MYO10: variants seen among roughly 807,000 people sequenced by gnomAD.
MYO10 encodes unconventional myosin-X.
MYO10 carries 133 observed loss-of-function variants against 257.3 expected under a neutral mutation model. That is an observed-to-expected ratio of 0.52 (90% confidence interval 0.45 to 0.60). The LOEUF (loss-of-function observed/expected upper bound fraction) is 0.60, where lower values mean the gene tolerates loss of function less well. MYO10 is among the 20% of genes least tolerant of loss of function. The pLI is 0.00. For missense variants in MYO10, 2,399 were observed against 2,635.7 expected, an observed-to-expected ratio of 0.91 and a Z score of 1.97; for synonymous variants, 1,104 against 1,028.6, an observed-to-expected ratio of 1.07 and a Z score of -1.40.
At position 16,701,958 on chromosome 5, in the gene MYO10, C is replaced by G. The variant is rs570226192; in HGVS notation, c.2557-120G>C. ...GAGTTGGACTGTGTCCCCATAAAGT[C>G]TATAGGTTGAAGTCCTAACCCCAAT... is the stretch of plus-strand genomic sequence containing the variant. On this transcript the variant is annotated intron_variant, in intron 24 of 40. Coordinates refer to ENST00000513610, the MANE Select transcript of MYO10 (RefSeq NM_012334.3). The surrounding 1 kb of genome is among the most constrained non-coding windows in gnomAD (Gnocchi z 8.1). The G allele has an allele frequency of 2.1e-5, 26 of 1,218,770 alleles. 1 individual carries two copies. In the African/African-American group the frequency reaches 3.5e-4, roughly 16 times the overall value. 75.5% of individuals were successfully genotyped at this position (1,218,770 alleles called of 1,614,324 possible).
chr5:16,855,044 C>A (rs556506937), intron 2 of MYO10, among the ~76,000 whole-genome samples: 112 of 151,294 alleles, frequency 7.4e-4, no homozygotes, highest in African/African-American at 2.6e-3. Context: ...AAAAAAAAAA[C>A]CAAAAAAACT....
At chr5:16,872,313 G>GTAT (rs1744476212) in intron 2 of MYO10, among the ~76,000 whole-genome samples, 1 of 152,160 alleles carries the variant, frequency 6.6e-6, no homozygotes, top group Non-Finnish European at 1.5e-5. Flanking sequence ...TACTGTATGA[G>GTAT]TCCACTCACT....
intron 28 of MYO10, 31 bp from the exon 29 acceptor site, chr5:16,685,862 G>C: frequency 6.5e-7 from 1 of 1,543,258 alleles, no homozygotes; most frequent in Non-Finnish European, 8.8e-7. Flanking sequence ...CTGTCAAGGA[G>C]AGGCCAACCT....
intron 19 of MYO10, among the ~76,000 whole-genome samples, chr5:16,715,697 AT>A (rs1448882656): frequency 6.6e-6 from 1 of 152,102 alleles, no homozygotes; most frequent in African/African-American, 2.4e-5. Context: ...TGAATTGCAG[AT>A]TTTAAATAAG....
chr5:16,676,860 T>TA (rs542745345), intron 33 of MYO10, among the ~76,000 whole-genome samples: 7 of 152,110 alleles, frequency 4.6e-5, no homozygotes, highest in African/African-American at 7.2e-5. Context: ...GAGAGCAAAA[T>TA]AAAAAAAATT....
At chr5:16,671,677 T>C (rs1736471194) in intron 37 of MYO10, 135 bp from the exon 38 acceptor site, 1 of 1,133,992 alleles carries the variant, frequency 8.8e-7, no homozygotes, top group African/African-American at 1.6e-5. Flanking sequence ...TGGATAGAGA[T>C]GGGGATAGAG....
chr5:16,682,385 G>A (rs1737049200), intron 30 of MYO10, among the ~76,000 whole-genome samples: 1 of 152,070 alleles, frequency 6.6e-6, no homozygotes, highest in South Asian at 2.1e-4. Context: ...TCTGTGGGTT[G>A]GTAATGAAAT....
intron 1 of MYO10, among the ~76,000 whole-genome samples, chr5:16,901,282 C>G (rs1745371929): frequency 6.6e-6 from 1 of 152,080 alleles, no homozygotes; most frequent in Non-Finnish European, 1.5e-5. Flanking sequence ...CTGCTGGGCG[C>G]CCCTCCTCCG....
At chr5:16,882,666 T>C (rs544283305) in intron 1 of MYO10, among the ~76,000 whole-genome samples, 2 of 152,234 alleles carry the variant, frequency 1.3e-5, no homozygotes, top group South Asian at 4.1e-4. Flanking sequence ...CTACATATTG[T>C]GTGGTTCCGT....
At chr5:16,845,725 G>T (rs1743614953) in intron 2 of MYO10, among the ~76,000 whole-genome samples, 3 of 152,198 alleles carry the variant, frequency 2.0e-5, no homozygotes, top group African/African-American at 7.2e-5. Flanking sequence ...CAGTACTTTG[G>T]GAGGCCGAGG....
chr5:16,757,909 C>G (rs1740582743), intron 18 of MYO10, among the ~76,000 whole-genome samples: 1 of 152,214 alleles, frequency 6.6e-6, no homozygotes, highest in South Asian at 2.1e-4. Context: ...AGGTGATCTG[C>G]CCACCTCGGC....
At chr5:16,801,414 A>C (rs183428998) in intron 3 of MYO10, among the ~76,000 whole-genome samples, 156 of 152,076 alleles carry the variant, frequency 1.0e-3, no homozygotes, top group Middle Eastern at 6.8e-3. Context: ...GTTTCACCAC[A>C]TTAGCCAGGC....
intron 4 of MYO10, among the ~76,000 whole-genome samples, chr5:16,790,527 G>A (rs1741720830): frequency 1.3e-5 from 2 of 150,764 alleles, no homozygotes; most frequent in Admixed American, 1.3e-4. Context: ...TCTCGCAGTA[G>A]TGAGTGGGTT....
chr5:16,755,411 G>C (rs940950752), intron 18 of MYO10, among the ~76,000 whole-genome samples: 3 of 152,064 alleles, frequency 2.0e-5, no homozygotes, highest in African/African-American at 7.2e-5. Flanking sequence ...GTGATCCACC[G>C]GCCTCAGCCT....
In MYO10 at chr5:16,780,719, T is replaced by G; in HGVS notation, c.741+9A>C. On this transcript the variant is annotated intron_variant, in intron 7 of 40. Coordinates refer to ENST00000513610, the MANE Select transcript of MYO10 (RefSeq NM_012334.3). ...GGAAGAAAATGTGGATTAAATCACGTTTACTTACTTTTTCTAATAAATCTT... is the reference window on the plus strand; with the variant it reads ...GGAAGAAAATGTGGATTAAATCACGGTTACTTACTTTTTCTAATAAATCTT... 1 of 1,571,380 alleles carries G rather than the reference T, an allele frequency of 6.4e-7. No individual in the cohort carries two copies. Among genetic ancestry groups the G allele is most frequent in the Non-Finnish European group, 8.7e-7 (1 of 1,155,984 alleles).
In MYO10 at chr5:16,787,609, TAAAAAAAAAA is replaced by T. The variant is rs70940401; in HGVS notation, c.468-4150_468-4141del. 9.3e-4 allele frequency among the ~76,000 whole-genome samples: 116 copies of T among 124,972 alleles called. 1 individual carries two copies. Among genetic ancestry groups the T allele is most frequent in the African/African-American group, 3.2e-3 (108 of 33,844 alleles). 82.0% of individuals were successfully genotyped at this position (124,972 alleles called of 152,430 possible). On this transcript the variant is annotated intron_variant, in intron 4 of 40. Transcript: ENST00000513610. ...GAGCTTATATTGTTTTGTTTTGCTTTAAAAAAAAAAAAAAAAAAAAAAAAACTTTCTAACT... is the reference window on the plus strand; with the variant it reads ...GAGCTTATATTGTTTTGTTTTGCTTTAAAAAAAAAAAAAAACTTTCTAACT...
chr5:16,866,062 A>G (rs1436143111), intron 2 of MYO10, among the ~76,000 whole-genome samples: 3 of 139,364 alleles, frequency 2.2e-5, no homozygotes, highest in African/African-American at 9.8e-5. Flanking sequence ...CACACACAAA[A>G]CAATAGAGGA....
At chr5:16,800,489 A>C (rs1180746946) in intron 3 of MYO10, among the ~76,000 whole-genome samples, 1 of 152,344 alleles carries the variant, frequency 6.6e-6, no homozygotes, top group East Asian at 1.9e-4. Context: ...TTTGATGAGA[A>C]GCTTCTGAAG....
intron 1 of MYO10, among the ~76,000 whole-genome samples, chr5:16,905,483 C>G (rs1055411948): frequency 2.6e-4 from 40 of 152,192 alleles, no homozygotes; most frequent in Admixed American, 2.4e-3. Flanking sequence ...GTAGGTCTCC[C>G]TGCAATCAGA....
Sources: gnomAD v4.1 joint callset for allele counts (sites outside exome capture counted in the v4.1 genomes callset) on GRCh38, gnomAD v4.1.1 for gene constraint, Gnocchi (gnomAD v3.1) non-coding constraint, MANE v1.5 for transcripts, NCBI Gene and HGNC (gene_info 2026-07-23, HGNC 2026-07-21) for gene names.